CRB1: variants seen among roughly 807,000 people sequenced by gnomAD.
CRB1 encodes the protein protein crumbs homolog 1.
In CRB1, 83 loss-of-function variants were observed where a neutral mutation model predicts 120.0. The ratio of observed to expected loss-of-function variants is 0.69; its 90% CI spans 0.58 to 0.83. The LOEUF (loss-of-function observed/expected upper bound fraction) is 0.83, where lower values mean the gene tolerates loss of function less well. CRB1 is among the 40% of genes least tolerant of loss of function. CRB1 has a pLI of 0.00. For synonymous variants in CRB1, 625 were observed against 612.5 expected, an observed-to-expected ratio of 1.02 and a Z score of -0.30; for missense variants, 1,699 against 1,687.6, an observed-to-expected ratio of 1.01 and a Z score of -0.12.
At chr1:197,265,869 CT>C (rs1388152760), upstream of CRB1, among the ~76,000 whole-genome samples, 2 of 152,106 alleles carry the variant, frequency 1.3e-5, no homozygotes, top group Admixed American at 1.3e-4. Flanking sequence ...TCCATCTGCC[CT>C]TTTCCAAACA....
At chr1:197,266,243 A>T (rs558449494), upstream of CRB1, among the ~76,000 whole-genome samples, 1 of 152,234 alleles carries the variant, frequency 6.6e-6, no homozygotes, top group Non-Finnish European at 1.5e-5. Flanking sequence ...GACTTCTTAT[A>T]ATTTTGGAGA....
intron 5 of CRB1, among the ~76,000 whole-genome samples, chr1:197,411,668 T>C (rs1026124116): frequency 6.6e-6 from 1 of 152,194 alleles, no homozygotes; most frequent in Admixed American, 6.5e-5. Context: ...TACATCACTC[T>C]GATATATTAG....
intron 1 of CRB1, among the ~76,000 whole-genome samples, chr1:197,305,686 C>T (rs1286530504): frequency 1.3e-5 from 2 of 151,836 alleles, no homozygotes; most frequent in Non-Finnish European, 2.9e-5. Flanking sequence ...ACCTCCTTAA[C>T]GTCTTGATAA....
intron 5 of CRB1, among the ~76,000 whole-genome samples, chr1:197,359,654 G>T (rs1316853943): frequency 1.3e-5 from 2 of 152,146 alleles, no homozygotes; most frequent in African/African-American, 4.8e-5. Flanking sequence ...TTCAGGTTTA[G>T]TTTTCTAAGA....
At chr1:197,451,993 C>G (rs1665997414) in intron 11 of CRB1, among the ~76,000 whole-genome samples, 1 of 152,020 alleles carries the variant, frequency 6.6e-6, no homozygotes, top group South Asian at 2.1e-4. Context: ...ATAATAGATG[C>G]CTGATATTTG....
chr1:197,332,916 C>G (rs1483658482), intron 2 of CRB1, among the ~76,000 whole-genome samples: 1 of 152,074 alleles, frequency 6.6e-6, no homozygotes, highest in Non-Finnish European at 1.5e-5. Context: ...TCTGTAGAAC[C>G]AAGGGAAAAG....
chr1:197,296,712 C>T (rs3790379), intron 1 of CRB1, among the ~76,000 whole-genome samples: 8,725 of 152,020 alleles, frequency 0.057, 302 homozygotes, highest in East Asian at 0.074. Flanking sequence ...CACATGTTGT[C>T]GGAGGGGCCT....
At chr1:197,382,276 G>A (rs1436225581) in intron 5 of CRB1, among the ~76,000 whole-genome samples, 4 of 152,146 alleles carry the variant, frequency 2.6e-5, no homozygotes, top group Non-Finnish European at 4.4e-5. Flanking sequence ...TTCAGTGTAA[G>A]TATTTGCCAT....
intron 5 of CRB1, among the ~76,000 whole-genome samples, chr1:197,396,884 C>T (rs561281203): frequency 1.3e-5 from 2 of 151,978 alleles, no homozygotes; most frequent in South Asian, 2.1e-4. Context: ...ATCTTGGGCT[C>T]AGCAAAGATT....
chr1:197,239,905 AATT>A, the CRB1 span, among the ~76,000 whole-genome samples: 5 of 149,338 alleles, frequency 3.3e-5, no homozygotes, highest in African/African-American at 1.2e-4. Context: ...TATAATTTAT[AATT>A]ATTATATATA....
chr1:197,318,805 C>G (rs1658005748), intron 1 of CRB1, among the ~76,000 whole-genome samples: 1 of 152,088 alleles, frequency 6.6e-6, no homozygotes, highest in Admixed American at 6.5e-5. Flanking sequence ...TGGAAGTAGA[C>G]AGTGGAACAG....
At chr1:197,267,656 C>A (rs181246638), upstream of CRB1, among the ~76,000 whole-genome samples, 72 of 152,246 alleles carry the variant, frequency 4.7e-4, 1 homozygote, top group South Asian at 4.6e-3. Context: ...ACAATTTAAT[C>A]TGAGAAAATA....
At chr1:197,405,470 G>C (rs553263182) in intron 5 of CRB1, among the ~76,000 whole-genome samples, 3 of 152,112 alleles carry the variant, frequency 2.0e-5, no homozygotes, top group South Asian at 4.2e-4. Context: ...CCAAAGTGCC[G>C]AGAGTGCAGC....
Position 197,427,876 on chromosome 1 carries a change from T to C in CRB1, c.2551T>C (p.Cys851Arg). 2 of 1,614,076 alleles carry C rather than the reference T, an allele frequency of 1.2e-6. No homozygotes were observed. The highest frequency in any genetic ancestry group is 1.7e-6 in the Non-Finnish European group (2 of 1,179,976). The part of the protein sequence containing the change: ...TELNGGFFKG[C>R]IQDVRLNNQN... ...ACTTAATGGTGGATTCTTCAAAGGC[T>C]GTATCCAAGATGTAAGACTAAACAA... Residue 851 changes from cysteine (C) to arginine (R), a missense_variant, in exon 7 of 12, where the codon TGT becomes CGT. Transcript: ENST00000367400.
At chr1:197,266,353 G>A (rs1323055552), upstream of CRB1, among the ~76,000 whole-genome samples, 1 of 151,972 alleles carries the variant, frequency 6.6e-6, no homozygotes, top group Non-Finnish European at 1.5e-5. Flanking sequence ...GGTGCAAGGG[G>A]CAAATAAACT....
chr1:197,235,173 A>C, the CRB1 span, among the ~76,000 whole-genome samples: 1 of 152,134 alleles, frequency 6.6e-6, no homozygotes, highest in African/African-American at 2.4e-5. Context: ...CTCCTGTCAG[A>C]GACTCGGTAG....
chr1:197,222,245 G>C, the CRB1 span: 1 of 516,328 alleles, frequency 1.9e-6, no homozygotes, highest in Non-Finnish European at 3.7e-6. Flanking sequence ...CCGTGCTCCT[G>C]TCGTTGGTGG....
chr1:197,422,002 G>A (rs1437292857), intron 6 of CRB1, 46 bp downstream of exon 6: 1 of 1,584,918 alleles, frequency 6.3e-7, no homozygotes, highest in East Asian at 2.2e-5. Flanking sequence ...ATGCCTCAGA[G>A]CAGAGCAGAA....
chr1:197,225,446 T>A, the CRB1 span, among the ~76,000 whole-genome samples: 5 of 152,344 alleles, frequency 3.3e-5, no homozygotes, highest in South Asian at 1.0e-3. Context: ...CCCCAGCAGC[T>A]CTTTCCATCC....
Sources: gnomAD v4.1 joint callset for allele counts (sites outside exome capture counted in the v4.1 genomes callset) on GRCh38, gnomAD v4.1.1 for gene constraint, MANE v1.5 for transcripts, NCBI Gene and HGNC (gene_info 2026-07-23, HGNC 2026-07-21) for gene names.